ADAMTS2: variants seen among roughly 807,000 people sequenced by gnomAD.
The protein encoded by ADAMTS2 is ADAM metallopeptidase with thrombospondin type 1 motif 2, also known as A disintegrin and metalloproteinase with thrombospondin motifs 2.
In ADAMTS2, 50 loss-of-function variants were observed where a neutral mutation model predicts 123.0. That is an observed-to-expected ratio of 0.41 (90% CI 0.32 to 0.51). ADAMTS2 has a LOEUF of 0.51. Ranked by LOEUF, ADAMTS2 falls within the 20% of genes least tolerant of loss-of-function variation. ADAMTS2 has a pLI of 0.35. For missense variants in ADAMTS2, 1,494 were observed against 1,705.2 expected (o/e 0.88, Z 2.18); for synonymous variants, 678 against 695.4 (o/e 0.98, Z 0.39).
intron 2 of ADAMTS2, among the ~76,000 whole-genome samples, chr5:179,300,849 G>A (rs1291530825): frequency 1.3e-5 from 2 of 152,212 alleles, no homozygotes; most frequent in African/African-American, 4.8e-5. Context: ...CAAGCCAGCA[G>A]ACAGATAAAC....
chr5:179,149,759 C>A (rs751170243), intron 10 of ADAMTS2, among the ~76,000 whole-genome samples: 1 of 152,176 alleles, frequency 6.6e-6, no homozygotes, highest in African/African-American at 2.4e-5. Flanking sequence ...GGGAGGAGCC[C>A]GTCTTCCACG....
chr5:179,284,963 T>A (rs1755976246), intron 2 of ADAMTS2, among the ~76,000 whole-genome samples: 1 of 152,142 alleles, frequency 6.6e-6, no homozygotes, highest in South Asian at 2.1e-4. Context: ...TTACTTCACC[T>A]CTGACTGAGT....
intron 2 of ADAMTS2, among the ~76,000 whole-genome samples, chr5:179,279,395 C>G (rs1766830699): frequency 1.3e-5 from 2 of 152,348 alleles, no homozygotes; most frequent in Non-Finnish European, 2.9e-5. Flanking sequence ...TGCTAAGATT[C>G]CCATTCCTGA....
intron 2 of ADAMTS2, among the ~76,000 whole-genome samples, chr5:179,278,121 A>G (rs71596416): frequency 0.076 from 147 of 1,924 alleles, 30 homozygotes; most frequent in Admixed American, 0.12. Context: ...AAGGCTGACC[A>G]CCCCCGAGAC....
At chr5:179,196,618 C>T (rs972652487) in intron 4 of ADAMTS2, among the ~76,000 whole-genome samples, 4 of 152,234 alleles carry the variant, frequency 2.6e-5, no homozygotes, top group African/African-American at 9.7e-5. Context: ...GAGCAGCCCA[C>T]TGTGCTCAGT....
At chr5:179,318,471 C>T (rs1007417568) in intron 2 of ADAMTS2, among the ~76,000 whole-genome samples, 4 of 152,128 alleles carry the variant, frequency 2.6e-5, no homozygotes, top group African/African-American at 9.7e-5. Context: ...CCAGGAGGGA[C>T]AGGGCCCACT....
chr5:179,295,796 T>TCAGGAGCAG (rs1446007974), intron 2 of ADAMTS2, among the ~76,000 whole-genome samples: 1 of 152,026 alleles, frequency 6.6e-6, no homozygotes, highest in African/African-American at 2.4e-5. Flanking sequence ...TGGAAGGGAT[T>TCAGGAGCAG]CAGGAGCAGC....
intron 21 of ADAMTS2, chr5:179,121,368 G>A (rs1247072532): frequency 4.1e-6 from 1 of 242,240 alleles, no homozygotes; most frequent in Admixed American, 5.7e-5. Context: ...TCGGCCCGGA[G>A]GGTCGCCCTT....
rs1581144428 is a variant in ADAMTS2, at chr5:179,134,749, C to T, written c.2085+1160G>A. 6.2e-5 allele frequency among the ~76,000 whole-genome samples: 7 copies of T among 112,732 alleles called. No individual in the cohort carries two copies. In the South Asian group the frequency reaches 1.6e-3, roughly 26 times the overall value. 74.0% of individuals were successfully genotyped at this position (112,732 alleles called of 152,430 possible). On this transcript the variant is annotated intron_variant, in intron 13 of 21. Coordinates refer to ENST00000251582, the MANE Select transcript of ADAMTS2 (RefSeq NM_014244.5). ...CGGCTCCAGCTCCAGCTCCAGCTCCCGGCTCCAGCTCCAGCTCCCGGCTCC... is the reference window on the plus strand; with the variant it reads ...CGGCTCCAGCTCCAGCTCCAGCTCCTGGCTCCAGCTCCAGCTCCCGGCTCC...
chr5:179,278,704 G>C (rs551437202), intron 2 of ADAMTS2, among the ~76,000 whole-genome samples: 4 of 151,968 alleles, frequency 2.6e-5, no homozygotes, highest in African/African-American at 9.7e-5. Context: ...TCCCCTGGGG[G>C]ACAGAGAGAG....
At chr5:179,166,124 G>A (rs1479581999) in intron 5 of ADAMTS2, among the ~76,000 whole-genome samples, 1 of 152,142 alleles carries the variant, frequency 6.6e-6, no homozygotes, top group Non-Finnish European at 1.5e-5. Flanking sequence ...GGTCCTCCTT[G>A]GCCATCATGA....
In ADAMTS2 at chr5:179,118,359, C is replaced by T. The variant is rs1762699703; in HGVS notation, c.3178+3302G>A. ...GAGGTAATGACTGGCGATGCCTCTC[C>T]GCCAAGATGAACACTGTGGTTTTAC... On this transcript the variant is annotated intron_variant, in intron 21 of 21. Coordinates refer to ENST00000251582, the MANE Select transcript of ADAMTS2 (RefSeq NM_014244.5). This position sits in a 1 kb window ranked among gnomAD's most constrained non-coding sequence, Gnocchi z 4.5. 6.6e-6 allele frequency among the ~76,000 whole-genome samples: 1 copy of T among 152,032 alleles called. No individual in the cohort carries two copies. The highest frequency in any genetic ancestry group is 2.1e-4 in the South Asian group (1 of 4,800).
intron 4 of ADAMTS2, among the ~76,000 whole-genome samples, chr5:179,205,865 A>G (rs550639364): frequency 3.0e-4 from 45 of 151,960 alleles, no homozygotes; most frequent in African/African-American, 9.4e-4. Context: ...TCCGCCTCCC[A>G]GGTTCACGCC....
chr5:179,127,963 G>A lies in ADAMTS2; in HGVS notation c.2613C>T (p.Gly871=), dbSNP rs145016043. The A allele has an allele frequency of 3.0e-4, 484 of 1,613,632 alleles. 1 individual carries two copies. Among genetic ancestry groups the A allele is most frequent in the Non-Finnish European group, 3.4e-4 (402 of 1,180,002 alleles). The change falls in exon 17 of 22, where the codon GGC becomes GGT. Residue 871 remains glycine (G), a synonymous_variant. Coordinates refer to ENST00000251582, the MANE Select transcript of ADAMTS2 (RefSeq NM_014244.5). ...CCAGCTTCGAGACCCCCTCACCTCC[G>A]CCACAGGGCTTGGAGCACGGAGACC... The part of the protein sequence containing the change: ...KKWSPCSKPC[G]GGSQFTKYGC...
rs1457526428 is a variant in ADAMTS2 at position 179,242,382 on chromosome 5, G to T, written c.688+30529C>A. Among the ~76,000 whole-genome samples, 1 of 151,996 alleles carries T rather than the reference G, an allele frequency of 6.6e-6. No homozygotes were observed. Among genetic ancestry groups the T allele is most frequent in the Non-Finnish European group, 1.5e-5 (1 of 68,026 alleles). Reference sequence around the variant, plus strand: ...TCCAGTGTCTTCTACCTTCCTTATTGCTGTGGCCCTTTAAAAAAAGATTAG... The same window carrying T: ...TCCAGTGTCTTCTACCTTCCTTATTTCTGTGGCCCTTTAAAAAAAGATTAG... On this transcript the variant is annotated intron_variant, in intron 3 of 21. Coordinates refer to ENST00000251582, the MANE Select transcript of ADAMTS2 (RefSeq NM_014244.5). The surrounding 1 kb of genome is among the most constrained non-coding windows in gnomAD (Gnocchi z 4.2).
At chr5:179,194,619 A>T (rs994263179) in intron 4 of ADAMTS2, among the ~76,000 whole-genome samples, 1 of 152,108 alleles carries the variant, frequency 6.6e-6, no homozygotes, top group Non-Finnish European at 1.5e-5. Context: ...TCTTCAGGCC[A>T]GACAGTAGGG....
intron 4 of ADAMTS2, among the ~76,000 whole-genome samples, chr5:179,192,525 C>CTT (rs2113340787): frequency 6.6e-6 from 1 of 152,350 alleles, no homozygotes; most frequent in East Asian, 1.9e-4. Context: ...CTGCCCACCG[C>CTT]TACACAGGAA....
Position 179,113,724 on chromosome 5 carries a change from T to TTACGTCATTCCCCCTC in ADAMTS2, c.*127_*142dup. The TTACGTCATTCCCCCTC allele has an allele frequency of 1.2e-6, 1 of 859,098 alleles. No homozygotes were observed. Among genetic ancestry groups the TTACGTCATTCCCCCTC allele is most frequent in the South Asian group, 1.5e-5 (1 of 65,414 alleles). The allele number at this position is 859,098 out of a possible 1,614,324, so 53.2% of individuals were successfully genotyped here. A position where few individuals can be genotyped will look rare whatever the true frequency, so the allele number is the denominator to read the frequency against. Reference sequence around the variant, plus strand: ...TACCACATGCTCATGCCTATCTTTCTTACGTCATTCCCCCTCTTTGTTTTC... The same window carrying TTACGTCATTCCCCCTC: ...TACCACATGCTCATGCCTATCTTTCTTACGTCATTCCCCCTCTACGTCATTCCCCCTCTTTGTTTTC... On this transcript the variant is annotated 3_prime_UTR_variant, in exon 22 of 22. Transcript: ENST00000251582.
chr5:179,156,969 T>TC (rs1763484328), intron 6 of ADAMTS2, among the ~76,000 whole-genome samples: 7 of 145,980 alleles, frequency 4.8e-5, no homozygotes, highest in Admixed American at 4.1e-4. Flanking sequence ...TTCTTTTTTT[T>TC]TTTTTTTTTT....
Sources: allele counts gnomAD v4.1 joint callset (sites outside exome capture counted in the v4.1 genomes callset), GRCh38; gene constraint gnomAD v4.1.1; non-coding constraint Gnocchi (gnomAD v3.1); transcripts MANE v1.5; gene names NCBI Gene and HGNC (gene_info 2026-07-23, HGNC 2026-07-21).